Variants in PAK1 observed in about 807,000 individuals in gnomAD.
The protein encoded by PAK1 is serine/threonine-protein kinase PAK 1.
Under a neutral mutation model 67.4 loss-of-function variants are expected in PAK1, and 29 were observed. The ratio of observed to expected loss-of-function variants is 0.43; its 90% CI spans 0.32 to 0.59. The LOEUF is 0.59. Among genes scored for constraint, PAK1 ranks in the 20% least tolerant of loss-of-function variants. The pLI is 0.07. For missense variants in PAK1, 337 were observed against 670.7 expected (o/e 0.50, Z 5.50); for synonymous variants, 223 against 237.4 (o/e 0.94, Z 0.56).
intron 1 of PAK1, among the ~76,000 whole-genome samples, chr11:77,433,738 C>T (rs1159128353): frequency 1.3e-5 from 2 of 152,184 alleles, no homozygotes; most frequent in Non-Finnish European, 2.9e-5. Flanking sequence ...AAGATCGCAC[C>T]ACTGCACTCC....
In PAK1 at chr11:77,332,579, G is replaced by T; in HGVS notation, c.1551+151C>A. On this transcript the variant is annotated intron_variant, in intron 14 of 14. Transcript: ENST00000356341. ...AGAAAATAAATGAGCAAAGGCCCAGGGATAAAAGGGCAGTAGGAACAGAGT... is the reference window on the plus strand; with the variant it reads ...AGAAAATAAATGAGCAAAGGCCCAGTGATAAAAGGGCAGTAGGAACAGAGT... 4 of 647,894 alleles carry T rather than the reference G, an allele frequency of 6.2e-6. 1 individual carries two copies. Among genetic ancestry groups the T allele is most frequent in the Admixed American group, 2.4e-5 (1 of 42,226 alleles). The allele number at this position is 647,894 out of a possible 1,614,324, so 40.1% of individuals were successfully genotyped here.
chr11:77,510,200 T>C, the PAK1 span, among the ~76,000 whole-genome samples: 1 of 152,250 alleles, frequency 6.6e-6, no homozygotes. Context: ...TAACTGGATA[T>C]TAAGACGTGT....
chr11:77,399,186 G>C (rs1035431838), intron 1 of PAK1, among the ~76,000 whole-genome samples: 17 of 152,178 alleles, frequency 1.1e-4, no homozygotes, highest in Non-Finnish European at 2.5e-4. Context: ...TAGGTAGATA[G>C]ACAGATCATG....
chr11:77,380,700 T>C (rs1184291705), intron 2 of PAK1, among the ~76,000 whole-genome samples: 1 of 152,180 alleles, frequency 6.6e-6, no homozygotes, highest in African/African-American at 2.4e-5. Context: ...CTATTATAAG[T>C]GTTTATCTTC....
At chr11:77,401,403 G>C (rs929910234) in intron 1 of PAK1, among the ~76,000 whole-genome samples, 2 of 152,142 alleles carry the variant, frequency 1.3e-5, no homozygotes, top group Non-Finnish European at 2.9e-5. Context: ...GGTTAGGAAA[G>C]CTACTTTACT....
At chr11:77,423,402 TACACACACAC>T (rs5792767) in intron 1 of PAK1, among the ~76,000 whole-genome samples, 9 of 137,016 alleles carry the variant, frequency 6.6e-5, no homozygotes, top group South Asian at 4.8e-4. Flanking sequence ...TGCTTTCAAA[TACACACACAC>T]ACACACACAC....
At position 77,323,152 on chromosome 11, in the gene PAK1, G is replaced by T; in HGVS notation, c.*122C>A. The T allele has an allele frequency of 6.5e-7, 1 of 1,548,686 alleles. No homozygotes were observed. The highest frequency in any genetic ancestry group is 1.4e-5 in the African/African-American group (1 of 73,282). On this transcript the variant is annotated 3_prime_UTR_variant, in exon 15 of 15. Transcript: ENST00000356341. ...TTTCCAAGGATCAAAGTCTTGAGGA[G>T]TGCTAGATCAGGAAATGGGAGAAGC...
At chr11:77,416,729 G>T (rs573744830) in intron 1 of PAK1, among the ~76,000 whole-genome samples, 1 of 152,106 alleles carries the variant, frequency 6.6e-6, no homozygotes. Context: ...CAAGGTGGGC[G>T]GATCACGAAG....
rs115718883 is a variant in PAK1 at position 77,436,112 on chromosome 11, A to G, written c.-22+37440T>C. Among the ~76,000 whole-genome samples the G allele has an allele frequency of 3.7e-3, 569 of 152,282 alleles. 6 individuals carry two copies. The highest frequency in any genetic ancestry group is 0.013 in the African/African-American group (531 of 41,552). ...TCAATTGGTAGACCATGACCGCCAC[A>G]TCACCACTGAAATAGGAAGGTGTTC... On this transcript the variant is annotated intron_variant, in intron 1 of 14. Coordinates refer to ENST00000356341, the MANE Select transcript of PAK1 (RefSeq NM_002576.5).
intron 1 of PAK1, among the ~76,000 whole-genome samples, chr11:77,433,447 A>G (rs141634539): frequency 1.5e-3 from 224 of 152,336 alleles, no homozygotes; most frequent in African/African-American, 5.3e-3. Context: ...ATTTGATAGG[A>G]GACTTGTATC....
chr11:77,405,119 G>A (rs1953291664), intron 1 of PAK1, among the ~76,000 whole-genome samples: 1 of 152,216 alleles, frequency 6.6e-6, no homozygotes, highest in Admixed American at 6.5e-5. Context: ...TTTAAGCGAA[G>A]GAGTAATAAG....
chr11:77,388,594 C>A (rs1950746212), intron 2 of PAK1, among the ~76,000 whole-genome samples: 1 of 152,200 alleles, frequency 6.6e-6, no homozygotes, highest in Non-Finnish European at 1.5e-5. Flanking sequence ...ACCTCGTGAT[C>A]CACCCGCCTC....
the PAK1 span, among the ~76,000 whole-genome samples, chr11:77,495,018 C>T: frequency 1.3e-5 from 2 of 151,806 alleles, no homozygotes; most frequent in Non-Finnish European, 2.9e-5. Context: ...AAAAATTAGC[C>T]GGTTGTGGTG....
At chr11:77,529,829 A>G in the PAK1 span, 30 of 152,308 alleles carry the variant, frequency 2.0e-4, no homozygotes, top group African/African-American at 7.2e-4. Flanking sequence ...AGCACTGCAC[A>G]TGGTTTTGAA....
chr11:77,329,813 G>A (rs1476782863), intron 14 of PAK1, among the ~76,000 whole-genome samples: 1 of 152,084 alleles, frequency 6.6e-6, no homozygotes, highest in Non-Finnish European at 1.5e-5. Context: ...GAAATAAAGG[G>A]CATTCAATTA....
intron 14 of PAK1, among the ~76,000 whole-genome samples, chr11:77,324,335 G>T (rs941390265): frequency 6.6e-6 from 1 of 151,902 alleles, no homozygotes; most frequent in Non-Finnish European, 1.5e-5. Context: ...ACCACACCTG[G>T]CTAATTTTTG....
chr11:77,529,037 A>G, the PAK1 span, among the ~76,000 whole-genome samples: 1 of 152,178 alleles, frequency 6.6e-6, no homozygotes, highest in African/African-American at 2.4e-5. Flanking sequence ...TCACCTAATA[A>G]TTTTAGCAAC....
chr11:77,385,770 A>G (rs1950370084), intron 2 of PAK1, among the ~76,000 whole-genome samples: 1 of 152,134 alleles, frequency 6.6e-6, no homozygotes, highest in Admixed American at 6.5e-5. Flanking sequence ...GGCAGGGAGA[A>G]TTGCTTGAAC....
intron 1 of PAK1, among the ~76,000 whole-genome samples, chr11:77,418,027 C>A (rs929129449): frequency 6.6e-6 from 1 of 152,016 alleles, no homozygotes; most frequent in African/African-American, 2.4e-5. Flanking sequence ...TGAGCCACTG[C>A]GCCCAGCCGG....
Sources: gnomAD v4.1 joint callset for allele counts (sites outside exome capture counted in the v4.1 genomes callset) on GRCh38, gnomAD v4.1.1 for gene constraint, MANE v1.5 for transcripts, NCBI Gene and HGNC (gene_info 2026-07-23, HGNC 2026-07-21) for gene names.